CADM2: variants seen among roughly 807,000 people sequenced by gnomAD.
CADM2 encodes cell adhesion molecule 2, also known as immunoglobulin superfamily member 4D.
CADM2 carries 12 observed loss-of-function variants against 49.8 expected under a neutral mutation model. The ratio of observed to expected loss-of-function variants is 0.24; its 90% CI spans 0.15 to 0.39. The LOEUF (loss-of-function observed/expected upper bound fraction) is 0.39. Among genes scored for constraint, CADM2 ranks in the 10% least tolerant of loss-of-function variants. The probability of loss-of-function intolerance (pLI) is 1.00; values close to 1 mark genes in which losing one functional copy is unlikely to be tolerated. For synonymous variants in CADM2, 214 were observed against 175.4 expected, an observed-to-expected ratio of 1.22 and a Z score of -1.74; for missense variants, 378 against 492.3, an observed-to-expected ratio of 0.77 and a Z score of 2.20.
At chr3:85,797,233 T>C (rs2108054020) in intron 2 of CADM2, among the ~76,000 whole-genome samples, 1 of 152,290 alleles carries the variant, frequency 6.6e-6, no homozygotes, top group Non-Finnish European at 1.5e-5. Context: ...ATTTTTTGGA[T>C]AGAAACCATC....
intron 1 of CADM2, among the ~76,000 whole-genome samples, chr3:85,720,069 T>G (rs2067443915): frequency 6.6e-6 from 1 of 152,196 alleles, no homozygotes; most frequent in South Asian, 2.1e-4. Context: ...CTACACATGA[T>G]AATTAATTGA....
At chr3:85,703,991 G>T (rs1337027089) in intron 1 of CADM2, among the ~76,000 whole-genome samples, 1 of 152,166 alleles carries the variant, frequency 6.6e-6, no homozygotes, top group East Asian at 1.9e-4. Context: ...TTGATTCAGA[G>T]TTTTTAATAT....
chr3:85,421,466 G>T (rs1414864174), intron 1 of CADM2, among the ~76,000 whole-genome samples: 2 of 152,126 alleles, frequency 1.3e-5, no homozygotes, highest in African/African-American at 4.8e-5. Flanking sequence ...AGTTTTCAAA[G>T]CCAAAGAAGG....
At chr3:85,733,067 T>C (rs1013747454) in intron 2 of CADM2, among the ~76,000 whole-genome samples, 2 of 152,220 alleles carry the variant, frequency 1.3e-5, no homozygotes, top group South Asian at 2.1e-4. Flanking sequence ...TTGGGTCCAC[T>C]GGCCAGAAAA....
At chr3:85,105,839 C>T (rs2038200972) in intron 1 of CADM2, among the ~76,000 whole-genome samples, 1 of 150,170 alleles carries the variant, frequency 6.7e-6, no homozygotes, top group Non-Finnish European at 1.5e-5. Context: ...TAAACTGTCA[C>T]AAGAACAAAA....
At chr3:85,788,528 A>C (rs1451165988) in intron 2 of CADM2, among the ~76,000 whole-genome samples, 1 of 152,116 alleles carries the variant, frequency 6.6e-6, no homozygotes. Flanking sequence ...ATGTAGAAGC[A>C]ATTTAGATAA....
chr3:85,653,347 A>C (rs902013740), intron 1 of CADM2, among the ~76,000 whole-genome samples: 1 of 147,442 alleles, frequency 6.8e-6, no homozygotes, highest in African/African-American at 2.5e-5. Flanking sequence ...AGCATCCTAG[A>C]TAAAGGCAGC....
At chr3:85,767,312 G>T (rs146889126) in intron 2 of CADM2, among the ~76,000 whole-genome samples, 57 of 152,224 alleles carry the variant, frequency 3.7e-4, no homozygotes, top group African/African-American at 1.3e-3. Context: ...CAAATAAGCC[G>T]GCGGCTGCTT....
chr3:85,113,187 A>G (rs1016557363), intron 1 of CADM2, among the ~76,000 whole-genome samples: 13 of 152,222 alleles, frequency 8.5e-5, no homozygotes, highest in Admixed American at 7.9e-4. Flanking sequence ...ACTTTGTTAC[A>G]GACATCATGC....
In CADM2 at chr3:85,153,228, G is replaced by A. The variant is rs972505472; in HGVS notation, c.61+193560G>A. Among the ~76,000 whole-genome samples, 14 of 152,212 alleles carry A rather than the reference G, an allele frequency of 9.2e-5. No homozygotes were observed. The East Asian group carries it at 2.3e-3, about 26-fold the overall frequency. ...AGTGGGCGCAGGTCAGTGGGTGCGC[G>A]CACCCTGCGCGAGCCGAAGCAGGGC... On this transcript the variant is annotated intron_variant, in intron 1 of 9. Coordinates refer to ENST00000383699, the MANE Select transcript of CADM2 (RefSeq NM_001167675.2).
At chr3:85,752,489 C>CAT (rs1461026244) in intron 2 of CADM2, among the ~76,000 whole-genome samples, 2 of 151,804 alleles carry the variant, frequency 1.3e-5, no homozygotes, top group African/African-American at 4.8e-5. Flanking sequence ...CACACACACA[C>CAT]ACACACACAC....
intron 1 of CADM2, among the ~76,000 whole-genome samples, chr3:85,152,393 A>G (rs966508678): frequency 2.6e-5 from 4 of 151,812 alleles, no homozygotes; most frequent in Admixed American, 1.3e-4. Flanking sequence ...CCATCATCCT[A>G]CTCTCTTATC....
At chr3:85,322,884 A>G (rs77480436) in intron 1 of CADM2, among the ~76,000 whole-genome samples, 3,516 of 152,244 alleles carry the variant, frequency 0.023, 147 homozygotes, top group African/African-American at 0.079. Flanking sequence ...AATCCTGAAG[A>G]AAATAGATAA....
chr3:86,065,549 G>GTAT (rs1196633405), intron 8 of CADM2, 56 bp from the exon 9 acceptor site: 16 of 1,543,924 alleles, frequency 1.0e-5, no homozygotes, highest in Non-Finnish European at 1.3e-5. Flanking sequence ...ATGCAGTTAT[G>GTAT]TATTCTGTGA....
intron 8 of CADM2, among the ~76,000 whole-genome samples, chr3:86,034,695 T>C (rs561012514): frequency 6.6e-6 from 1 of 152,204 alleles, no homozygotes; most frequent in East Asian, 1.9e-4. Context: ...TTTGTGTTTT[T>C]AGTTTCCCAA....
rs58932967 is a variant in CADM2 at position 85,180,514 on chromosome 3, GAAAAAA to G, written c.61+220864_61+220869del. On this transcript the variant is annotated intron_variant, in intron 1 of 9. Coordinates refer to ENST00000383699, the MANE Select transcript of CADM2 (RefSeq NM_001167675.2). ...AAAGAGTGAGACCCTGTCTCAAAAAGAAAAAAAAAAAAAAAAAAAAAAAGAGAAGGA... is the reference window on the plus strand; with the variant it reads ...AAAGAGTGAGACCCTGTCTCAAAAAGAAAAAAAAAAAAAAAAAGAGAAGGA... 7.6e-3 allele frequency among the ~76,000 whole-genome samples: 588 copies of G among 77,306 alleles called. 6 individuals carry two copies. The highest frequency in any genetic ancestry group is 0.023 in the African/African-American group (572 of 24,984). The allele number at this position is 77,306 out of a possible 152,430, so 50.7% of individuals were successfully genotyped here.
intron 3 of CADM2, among the ~76,000 whole-genome samples, chr3:85,842,136 C>T (rs931731856): frequency 2.0e-5 from 3 of 152,096 alleles, no homozygotes; most frequent in African/African-American, 4.8e-5. Flanking sequence ...TCACCATGAA[C>T]TCTCGTGATT....
intron 3 of CADM2, among the ~76,000 whole-genome samples, chr3:85,826,039 A>C (rs549915403): frequency 1.3e-5 from 2 of 152,234 alleles, no homozygotes; most frequent in African/African-American, 4.8e-5. Context: ...CTCTGAAAGT[A>C]AAATAATCTA....
At chr3:86,037,595 A>G (rs1034912052) in intron 8 of CADM2, among the ~76,000 whole-genome samples, 3 of 152,142 alleles carry the variant, frequency 2.0e-5, no homozygotes, top group African/African-American at 7.2e-5. Context: ...CACACCTATA[A>G]CATATGAGCA....
Sources: allele counts gnomAD v4.1 joint callset (sites outside exome capture counted in the v4.1 genomes callset), GRCh38; gene constraint gnomAD v4.1.1; transcripts MANE v1.5; gene names NCBI Gene and HGNC (gene_info 2026-07-23, HGNC 2026-07-21).